Variants in DNAH14 observed in about 807,000 individuals in gnomAD.
The protein encoded by DNAH14 is dynein axonemal heavy chain 14, also known as axonemal beta dynein heavy chain 14.
DNAH14 carries 478 observed loss-of-function variants against 520.9 expected under a neutral mutation model. The ratio of observed to expected loss-of-function variants is 0.92; its 90% confidence interval spans 0.85 to 0.99. DNAH14 has a LOEUF of 0.99. Ranked by LOEUF, DNAH14 falls within the 50% of genes least tolerant of loss-of-function variation. The pLI is 0.00. For synonymous variants in DNAH14, 1,581 were observed against 1,757.2 expected (o/e 0.90, Z 2.51); for missense variants, 4,831 against 5,234.5 (o/e 0.92, Z 2.38).
At chr1:224,932,695 T>C (rs989483540) in intron 1 of DNAH14, among the ~76,000 whole-genome samples, 3 of 152,100 alleles carry the variant, frequency 2.0e-5, no homozygotes, top group African/African-American at 7.2e-5. Flanking sequence ...GTATGCTTTC[T>C]CCAATGTAGG....
At chr1:225,083,252 T>G (rs1010081224) in intron 20 of DNAH14, among the ~76,000 whole-genome samples, 1 of 152,116 alleles carries the variant, frequency 6.6e-6, no homozygotes. Flanking sequence ...TATTTTTATG[T>G]CTAACTTACA....
Position 225,168,009 on chromosome 1 carries a change from A to C in DNAH14, c.5516A>C (p.Gln1839Pro), listed in dbSNP as rs769735679. The C allele has an allele frequency of 2.9e-5, 45 of 1,533,990 alleles. No homozygotes were observed. Among genetic ancestry groups the C allele is most frequent in the Non-Finnish European group, 3.5e-5 (40 of 1,136,768 alleles). The part of the protein sequence containing the change: ...NWSSQKEKII[Q>P]FYNQLQVCVG... Reference sequence around the variant, plus strand: ...TCATCTCAGAAAGAGAAGATTATACAGTTTTATAATCAACTTCAGGTAAGT... The same window carrying C: ...TCATCTCAGAAAGAGAAGATTATACCGTTTTATAATCAACTTCAGGTAAGT... Residue 1839 changes from glutamine (Q) to proline (P), a missense_variant, in exon 36 of 86, where the codon CAG becomes CCG. Gln to Pro is a moderately conservative substitution (Grantham distance 76). Transcript: ENST00000682510.
chr1:225,110,576 TAGTC>T (rs2076405547), intron 23 of DNAH14, among the ~76,000 whole-genome samples: 1 of 151,554 alleles, frequency 6.6e-6, no homozygotes, highest in Non-Finnish European at 1.5e-5. Context: ...TTTTTTTTCT[TAGTC>T]TGGCTAAAGG....
At chr1:225,207,341 C>A in intron 41 of DNAH14, 121 bp downstream of exon 41, 2 of 1,017,126 alleles carry the variant, frequency 2.0e-6, no homozygotes, top group Non-Finnish European at 2.7e-6. Context: ...CTATTTGGAC[C>A]AACAGCAGAT....
intron 23 of DNAH14, among the ~76,000 whole-genome samples, chr1:225,111,983 C>G (rs1039782521): frequency 6.6e-6 from 1 of 151,996 alleles, no homozygotes; most frequent in Non-Finnish European, 1.5e-5. Context: ...TCTATTTATA[C>G]CATATTGTAT....
Position 225,270,290 on chromosome 1 carries a change from G to A in DNAH14, c.7540-445G>A, listed in dbSNP as rs577077135. On this transcript the variant is annotated intron_variant, in intron 49 of 85. Coordinates refer to ENST00000682510, the MANE Select transcript of DNAH14 (RefSeq NM_001367479.1). ...TGAACAATGAGAACACTTGGACACAGAATGGGGAACCTCACACACCGGGGC... is the reference window on the plus strand; with the variant it reads ...TGAACAATGAGAACACTTGGACACAAAATGGGGAACCTCACACACCGGGGC... Among the ~76,000 whole-genome samples, 5 of 138,632 alleles carry A rather than the reference G, an allele frequency of 3.6e-5. No homozygotes were observed. In the Admixed American group the frequency reaches 3.9e-4, roughly 11 times the overall value. The allele number at this position is 138,632 out of a possible 152,430, so 90.9% of individuals were successfully genotyped here.
intron 17 of DNAH14, among the ~76,000 whole-genome samples, chr1:225,078,934 C>T (rs1277784278): frequency 5.4e-5 from 8 of 148,130 alleles, no homozygotes; most frequent in African/African-American, 2.0e-4. Flanking sequence ...TGCTTGCTTC[C>T]CTTTCACCTT....
intron 43 of DNAH14, among the ~76,000 whole-genome samples, chr1:225,246,963 C>T (rs58681163): frequency 0.051 from 7,814 of 152,222 alleles, 467 homozygotes; most frequent in East Asian, 0.24. Context: ...ATAGCAAAGA[C>T]TTGGAATGAA....
At chr1:225,152,529 G>A (rs1163078847) in intron 32 of DNAH14, among the ~76,000 whole-genome samples, 168 bp from the exon 33 acceptor site, 1 of 151,982 alleles carries the variant, frequency 6.6e-6, no homozygotes, top group Non-Finnish European at 1.5e-5. Flanking sequence ...TGATAAACCA[G>A]GAAGCTCTGT....
intron 38 of DNAH14, among the ~76,000 whole-genome samples, chr1:225,195,777 CTAT>C (rs1233513343): frequency 6.6e-6 from 1 of 151,832 alleles, no homozygotes; most frequent in Non-Finnish European, 1.5e-5. Flanking sequence ...CTCAGCCCAG[CTAT>C]TATTCAAAAA....
At position 225,337,390 on chromosome 1, in the gene DNAH14, T is replaced by G; in HGVS notation, c.10205T>G (p.Ile3402Ser). The change falls in exon 67 of 86, where the codon ATC (isoleucine) becomes AGC (serine). Residue 3402 changes from isoleucine (I) to serine (S), a missense_variant. Transcript: ENST00000682510. Reference sequence around the variant, plus strand: ...CCACATAGGCAAGCTCACAAATGGATCCGTCAGATGGAAGGATCCAGGCTG... The same window carrying G: ...CCACATAGGCAAGCTCACAAATGGAGCCGTCAGATGGAAGGATCCAGGCTG... Reference protein sequence around the residue: ...IDPHRQAHKWIRQMEGSRLQK... With the variant: ...IDPHRQAHKWSRQMEGSRLQK... The G allele has an allele frequency of 6.4e-7, 1 of 1,551,480 alleles. No individual in the cohort carries two copies.
intron 30 of DNAH14, 79 bp downstream of exon 30, chr1:225,145,458 A>C (rs2079847698): frequency 2.5e-6 from 3 of 1,186,380 alleles, no homozygotes; most frequent in South Asian, 1.7e-5. Flanking sequence ...ATAAAAGAAC[A>C]AGAAAAATAT....
At chr1:225,340,357 G>A (rs2095153443) in intron 68 of DNAH14, 100 bp from the exon 69 acceptor site, 1 of 1,257,138 alleles carries the variant, frequency 8.0e-7, no homozygotes, top group Non-Finnish European at 1.1e-6. Context: ...TAAAAATCTT[G>A]TGTACTTCCA....
chr1:225,012,070 T>C (rs2064819913), intron 10 of DNAH14, among the ~76,000 whole-genome samples: 1 of 152,186 alleles, frequency 6.6e-6, no homozygotes, highest in South Asian at 2.1e-4. Context: ...ATTTGGCATG[T>C]TTTTGCAGTG....
chr1:225,120,720 T>C (rs1323201333), intron 26 of DNAH14, among the ~76,000 whole-genome samples: 1 of 152,198 alleles, frequency 6.6e-6, no homozygotes, highest in Non-Finnish European at 1.5e-5. Context: ...TGGGGTGATA[T>C]GATAAGAACC....
chr1:225,053,790 A>G (rs1452853447), intron 17 of DNAH14, among the ~76,000 whole-genome samples: 1 of 152,224 alleles, frequency 6.6e-6, no homozygotes, highest in Non-Finnish European at 1.5e-5. Flanking sequence ...TAAATTGCAT[A>G]ATAATATTCA....
At position 225,192,928 on chromosome 1, in the gene DNAH14, A is replaced by G. The variant is rs752034886; in HGVS notation, c.5886+17A>G. On this transcript the variant is annotated intron_variant, in intron 38 of 85. Coordinates refer to ENST00000682510, the MANE Select transcript of DNAH14 (RefSeq NM_001367479.1). ...TTATCCAATGTAAGTTTAGTATTGA[A>G]TGAATGTTTTTATTTAACTAATGTG... The G allele has an allele frequency of 9.9e-6, 15 of 1,519,286 alleles. No individual in the cohort carries two copies. Among genetic ancestry groups the G allele is most frequent in the South Asian group, 2.4e-5 (2 of 82,468 alleles). 94.1% of individuals were successfully genotyped at this position (1,519,286 alleles called of 1,614,324 possible). A position where few individuals can be genotyped will look rare whatever the true frequency, so the allele number is the denominator to read the frequency against.
chr1:225,014,396 A>G (rs1035592981), intron 10 of DNAH14, among the ~76,000 whole-genome samples: 1 of 138,072 alleles, frequency 7.2e-6, no homozygotes, highest in South Asian at 2.6e-4. Context: ...AGCTGTTTCT[A>G]TTTGGCCATC....
At chr1:224,945,288 C>G (rs969667775) in intron 1 of DNAH14, among the ~76,000 whole-genome samples, 2 of 152,166 alleles carry the variant, frequency 1.3e-5, no homozygotes, top group African/African-American at 4.8e-5. Flanking sequence ...ATCGAATCGG[C>G]TACTGAGGCT....
Sources: allele counts gnomAD v4.1 joint callset (sites outside exome capture counted in the v4.1 genomes callset), GRCh38; gene constraint gnomAD v4.1.1; transcripts MANE v1.5; gene names NCBI Gene and HGNC (gene_info 2026-07-23, HGNC 2026-07-21).